The following MYRIP variants were observed in gnomAD, a reference collection of about 807,000 sequenced individuals.
MYRIP encodes the protein rab effector MyRIP.
A neutral mutation model predicts 98.0 loss-of-function variants in MYRIP; 49 were observed. That is an observed-to-expected ratio of 0.50 (90% CI 0.40 to 0.63). MYRIP has a LOEUF of 0.63. Among genes scored for constraint, MYRIP ranks in the 30% least tolerant of loss-of-function variants. MYRIP has a pLI of 0.00. For missense variants in MYRIP, 1,004 were observed against 1,058.2 expected, an observed-to-expected ratio of 0.95 and a Z score of 0.71; for synonymous variants, 404 against 409.5, an observed-to-expected ratio of 0.99 and a Z score of 0.16.
At chr3:39,923,601 C>T (rs7614235) in intron 2 of MYRIP, among the ~76,000 whole-genome samples, 13,724 of 152,078 alleles carry the variant, frequency 0.09, 731 homozygotes, top group African/African-American at 0.15. Context: ...TCAAGGCATT[C>T]TCATATGAAG....
chr3:40,027,459 C>A (rs764725312), intron 2 of MYRIP, among the ~76,000 whole-genome samples: 1 of 152,026 alleles, frequency 6.6e-6, no homozygotes, highest in Non-Finnish European at 1.5e-5. Flanking sequence ...TTTTTCTTTG[C>A]TACTTGTTCT....
chr3:39,835,513 AATAT>A (rs1324253960), intron 1 of MYRIP, among the ~76,000 whole-genome samples: 1 of 152,162 alleles, frequency 6.6e-6, no homozygotes, highest in African/African-American at 2.4e-5. Context: ...GTTTTGAATA[AATAT>A]ATATAATTTT....
intron 8 of MYRIP, among the ~76,000 whole-genome samples, chr3:40,171,138 T>A (rs1439325266): frequency 2.0e-5 from 3 of 152,010 alleles, no homozygotes; most frequent in Non-Finnish European, 2.9e-5. Context: ...GTCATGCATA[T>A]GCTCAGCACC....
intron 3 of MYRIP, among the ~76,000 whole-genome samples, chr3:40,134,914 A>G (rs534187332): frequency 3.3e-5 from 5 of 152,358 alleles, no homozygotes; most frequent in Middle Eastern, 3.4e-3. Context: ...AAATGTAGAT[A>G]AAACCACAAA....
At chr3:40,216,828 A>G (rs567180794) in intron 11 of MYRIP, among the ~76,000 whole-genome samples, 35 of 152,204 alleles carry the variant, frequency 2.3e-4, no homozygotes, top group Non-Finnish European at 4.7e-4. Context: ...CATTTTAAAT[A>G]TCAAAAACAC....
intron 3 of MYRIP, among the ~76,000 whole-genome samples, chr3:40,123,116 A>G (rs1261564156): frequency 6.6e-6 from 1 of 152,252 alleles, no homozygotes; most frequent in African/African-American, 2.4e-5. Flanking sequence ...TTTAAATCCT[A>G]TAGAAATGTT....
In MYRIP at chr3:40,025,383, G is replaced by T. The variant is rs1947101762; in HGVS notation, c.111-18667G>T. Among the ~76,000 whole-genome samples the T allele has an allele frequency of 3.3e-5, 5 of 152,050 alleles. No individual in the cohort carries two copies. The South Asian group carries it at 6.2e-4, about 19-fold the overall frequency. ...ATTTTTTTTTTTATAACACCGTCAG[G>T]GGCAGCAAAATGATTCTGTCTGAAA... On this transcript the variant is annotated intron_variant, in intron 2 of 16. Transcript: ENST00000302541.
intron 2 of MYRIP, among the ~76,000 whole-genome samples, chr3:39,907,360 T>G (rs1236016639): frequency 2.0e-5 from 3 of 152,230 alleles, no homozygotes; most frequent in African/African-American, 7.2e-5. Flanking sequence ...CTCATGCATA[T>G]TCCCAGTGCC....
Position 39,981,394 on chromosome 3 carries a change from T to A in MYRIP, c.111-62656T>A, listed in dbSNP as rs192063093. 2.6e-5 allele frequency among the ~76,000 whole-genome samples: 4 copies of A among 152,314 alleles called. 1 individual carries two copies. The highest frequency in any genetic ancestry group is 2.0e-4 in the Admixed American group (3 of 15,290). On this transcript the variant is annotated intron_variant, in intron 2 of 16. Coordinates refer to ENST00000302541, the MANE Select transcript of MYRIP (RefSeq NM_015460.4). ...TGTCTGGGCTCTTTTTACAATTTTT[T>A]AAAATACTAGTACTTCTTTTGTTAT... is the stretch of plus-strand genomic sequence containing the variant.
At chr3:39,965,323 G>GA (rs1463640732) in intron 2 of MYRIP, among the ~76,000 whole-genome samples, 1 of 151,972 alleles carries the variant, frequency 6.6e-6, no homozygotes, top group East Asian at 1.9e-4. Flanking sequence ...TGCATTAAAA[G>GA]AAAAAATAAA....
In MYRIP at chr3:40,105,590, C is replaced by T. The variant is rs758974169; in HGVS notation, c.333-45458C>T. On this transcript the variant is annotated intron_variant, in intron 3 of 16. Transcript: ENST00000302541. Reference sequence around the variant, plus strand: ...ATCTTGTGAGAACTCACTCACTATACAGTACTGTATTAGTCCATTCTCACA... The same window carrying T: ...ATCTTGTGAGAACTCACTCACTATATAGTACTGTATTAGTCCATTCTCACA... Among the ~76,000 whole-genome samples the T allele has an allele frequency of 6.7e-4, 102 of 152,140 alleles. 1 individual carries two copies. Among genetic ancestry groups the T allele is most frequent in the Admixed American group, 1.2e-3 (19 of 15,270 alleles).
At chr3:39,896,220 T>C (rs1026134887) in intron 1 of MYRIP, among the ~76,000 whole-genome samples, 2 of 152,144 alleles carry the variant, frequency 1.3e-5, no homozygotes, top group Non-Finnish European at 2.9e-5. Flanking sequence ...ATATCAAATA[T>C]CAAATTGCCA....
chr3:40,190,365 C>G lies in MYRIP; in HGVS notation c.1567C>G (p.Arg523Gly). 4 of 1,613,810 alleles carry G rather than the reference C, an allele frequency of 2.5e-6. No homozygotes were observed. Among genetic ancestry groups the G allele is most frequent in the Non-Finnish European group, 3.4e-6 (4 of 1,179,898 alleles). The change falls in exon 10 of 17, where the codon CGG becomes GGG. Residue 523 changes from arginine to glycine, a missense_variant. Coordinates refer to ENST00000302541, the MANE Select transcript of MYRIP (RefSeq NM_015460.4). ...GGAGGCCCCCCACACCACAGACCGG[C>G]GGGCCAGGAGGTGGAGAAGAGCCCG... Reference protein sequence around the residue: ...PEEAPHTTDRRARRWRRARLG... With the variant: ...PEEAPHTTDRGARRWRRARLG...
chr3:40,183,028 C>T (rs1366791108), intron 9 of MYRIP, among the ~76,000 whole-genome samples: 1 of 152,214 alleles, frequency 6.6e-6, no homozygotes, highest in African/African-American at 2.4e-5. Context: ...CTCTATCATC[C>T]TCCAGGGCCT....
chr3:39,826,570 C>T (rs1466746170), intron 1 of MYRIP, among the ~76,000 whole-genome samples: 1 of 152,036 alleles, frequency 6.6e-6, no homozygotes, highest in African/African-American at 2.4e-5. Context: ...TGTGTCCTAA[C>T]ATATGGTCAG....
intron 2 of MYRIP, among the ~76,000 whole-genome samples, chr3:40,000,150 C>T (rs571336646): frequency 6.6e-6 from 1 of 151,812 alleles, no homozygotes; most frequent in East Asian, 1.9e-4. Flanking sequence ...ACGTTGTGCA[C>T]ATGTACCCTA....
At chr3:40,094,085 TC>T (rs1258587816) in intron 3 of MYRIP, among the ~76,000 whole-genome samples, 1 of 152,164 alleles carries the variant, frequency 6.6e-6, no homozygotes, top group Non-Finnish European at 1.5e-5. Context: ...ATTCTGCTGT[TC>T]AGACCTCCCC....
intron 2 of MYRIP, among the ~76,000 whole-genome samples, chr3:39,991,710 A>G (rs1183679836): frequency 6.6e-6 from 1 of 152,008 alleles, no homozygotes; most frequent in Non-Finnish European, 1.5e-5. Context: ...CACTCTGACC[A>G]CCCTATTCAA....
chr3:40,172,547 T>C (rs1950640213), intron 8 of MYRIP, among the ~76,000 whole-genome samples: 2 of 152,186 alleles, frequency 1.3e-5, no homozygotes, highest in South Asian at 2.1e-4. Context: ...ACATAGCTAT[T>C]GCTCTATTAT....
Sources: gnomAD v4.1 joint callset for allele counts (sites outside exome capture counted in the v4.1 genomes callset) on GRCh38, gnomAD v4.1.1 for gene constraint, MANE v1.5 for transcripts, NCBI Gene and HGNC (gene_info 2026-07-23, HGNC 2026-07-21) for gene names.